The following EPB41L4A variants were observed in gnomAD, a reference collection of about 807,000 sequenced individuals.
The protein encoded by EPB41L4A is band 4.1-like protein 4A.
Under a neutral mutation model 108.6 loss-of-function variants are expected in EPB41L4A, and 100 were observed. That is an observed-to-expected ratio of 0.92 (90% CI 0.78 to 1.09). The LOEUF is 1.09. EPB41L4A is among the 50% of genes least tolerant of loss of function. The probability of loss-of-function intolerance (pLI) is 0.00; values close to 1 mark genes in which losing one functional copy is unlikely to be tolerated. For synonymous variants in EPB41L4A, 319 were observed against 289.0 expected (o/e 1.10, Z -1.05); for missense variants, 1,030 against 842.7 (o/e 1.22, Z -2.75).
intron 3 of EPB41L4A, among the ~76,000 whole-genome samples, chr5:112,279,949 C>A (rs1436576455): frequency 6.8e-6 from 1 of 147,086 alleles, no homozygotes; most frequent in Non-Finnish European, 1.5e-5. Flanking sequence ...CACCTACCAC[C>A]CCCGTTAATG....
intron 8 of EPB41L4A, 120 bp downstream of exon 8, chr5:112,259,771 T>G: frequency 1.4e-6 from 1 of 718,148 alleles, no homozygotes; most frequent in Non-Finnish European, 2.5e-6. Flanking sequence ...CCAATTTCAC[T>G]CATTTATTTA....
intron 12 of EPB41L4A, among the ~76,000 whole-genome samples, chr5:112,214,780 A>G (rs1747495424): frequency 6.6e-6 from 1 of 150,622 alleles, no homozygotes; most frequent in Admixed American, 6.6e-5. Flanking sequence ...GGCAAAAACA[A>G]AAGAAAAAAA....
At position 112,277,192 on chromosome 5, in the gene EPB41L4A, A is replaced by G. The variant is rs375974423; in HGVS notation, c.257-1788T>C. Among the ~76,000 whole-genome samples the G allele has an allele frequency of 3.3e-5, 5 of 152,212 alleles. No homozygotes were observed. In the East Asian group the frequency reaches 9.7e-4, roughly 29 times the overall value. ...CCGCAGGCAGCTGGGGTTGGTACCT[A>G]GGGGGCGGGGAGGAGCACAGATGCT... On this transcript the variant is annotated intron_variant, in intron 3 of 22. Transcript: ENST00000261486.
At position 112,169,105 on chromosome 5, in the gene EPB41L4A, C is replaced by T; in HGVS notation, c.1740G>A (p.Glu580=). The change falls in exon 21 of 23, where the codon GAG becomes GAA. Residue 580 remains glutamate, a splice_region_variant and synonymous_variant. Transcript: ENST00000261486. ...QLKEIPYTKI[E]TQGDPIRIRH... ...TGATGCGGATTGGGTCACCTTGTGT[C>T]CTGAACAAGCAACCAAGAAACATGA... The T allele has an allele frequency of 1.2e-6, 2 of 1,607,830 alleles. No individual in the cohort carries two copies. The highest frequency in any genetic ancestry group is 1.7e-6 in the Non-Finnish European group (2 of 1,174,278).
chr5:112,337,255 T>C lies in EPB41L4A; in HGVS notation c.100-29765A>G, dbSNP rs73231346. On this transcript the variant is annotated intron_variant, in intron 1 of 22. Coordinates refer to ENST00000261486, the MANE Select transcript of EPB41L4A (RefSeq NM_022140.5). ...TCTCTGAAATTCCATAATTTGATCATTACAAAGCCCAAACCCATCTGTTAT... is the reference window on the plus strand; with the variant it reads ...TCTCTGAAATTCCATAATTTGATCACTACAAAGCCCAAACCCATCTGTTAT... Among the ~76,000 whole-genome samples, 1,417 of 152,280 alleles carry C rather than the reference T, an allele frequency of 9.3e-3. 26 individuals are homozygous for C. The highest frequency in any genetic ancestry group is 0.032 in the African/African-American group (1,341 of 41,550).
chr5:112,206,200 C>T (rs1382836684), intron 13 of EPB41L4A: 2 of 152,138 alleles, frequency 1.3e-5, no homozygotes, highest in Non-Finnish European at 2.9e-5. Context: ...CCTCTCACAT[C>T]CTCAGGAGTC....
At chr5:112,147,171 G>A (rs964126675) in intron 12 of EPB41L4A, among the ~76,000 whole-genome samples, 1 of 152,120 alleles carries the variant, frequency 6.6e-6, no homozygotes, top group African/African-American at 2.4e-5. Context: ...TCTTGAATTA[G>A]TATTCATTTA....
At chr5:112,159,059 GTAA>G (rs1218519914), downstream of EPB41L4A, among the ~76,000 whole-genome samples, 1 of 152,120 alleles carries the variant, frequency 6.6e-6, no homozygotes, top group African/African-American at 2.4e-5. Flanking sequence ...TTACCTTCTT[GTAA>G]TAATTATACA....
At chr5:112,206,947 T>G (rs904430466) in intron 13 of EPB41L4A, 4 of 152,198 alleles carry the variant, frequency 2.6e-5, no homozygotes, top group African/African-American at 9.7e-5. Flanking sequence ...TATTCTAAAA[T>G]GGACCCTCCC....
chr5:112,230,008 T>G (rs976555780), intron 12 of EPB41L4A, among the ~76,000 whole-genome samples: 1 of 144,146 alleles, frequency 6.9e-6, no homozygotes, highest in Non-Finnish European at 1.6e-5. Flanking sequence ...AAAAAAAGAA[T>G]AATGGTCTCC....
Position 112,283,669 on chromosome 5 carries a change from T to C in EPB41L4A, c.205-3346A>G, listed in dbSNP as rs79123866. ...ATATCATTCATTCATTCATCACTTA[T>C]GGATATCCACTATACATGTTCTTTA... On this transcript the variant is annotated intron_variant, in intron 2 of 22. Transcript: ENST00000261486. Among the ~76,000 whole-genome samples, 346 of 152,330 alleles carry C rather than the reference T, an allele frequency of 2.3e-3. 2 individuals are homozygous for C. Among genetic ancestry groups the C allele is most frequent in the African/African-American group, 8.1e-3 (335 of 41,582 alleles).
intron 2 of EPB41L4A, among the ~76,000 whole-genome samples, chr5:112,299,391 G>A (rs563653561): frequency 4.8e-4 from 73 of 152,214 alleles, no homozygotes; most frequent in Non-Finnish European, 9.3e-4. Flanking sequence ...TGGTCTGAGA[G>A]AGTACTTGAT....
chr5:112,332,218 GT>G (rs1756616915), intron 1 of EPB41L4A, among the ~76,000 whole-genome samples: 1 of 152,136 alleles, frequency 6.6e-6, no homozygotes, highest in Non-Finnish European at 1.5e-5. Flanking sequence ...CAGTCTTTTT[GT>G]TTTTAGTTCT....
At chr5:112,286,172 G>A (rs1422162872) in intron 2 of EPB41L4A, among the ~76,000 whole-genome samples, 1 of 151,194 alleles carries the variant, frequency 6.6e-6, no homozygotes, top group Non-Finnish European at 1.5e-5. Context: ...CCCAACCAAT[G>A]TCATTTCCCT....
chr5:112,322,522 G>A (rs1049648851), intron 1 of EPB41L4A, among the ~76,000 whole-genome samples: 1 of 152,192 alleles, frequency 6.6e-6, no homozygotes, highest in Middle Eastern at 3.4e-3. Context: ...AATCTAAGTC[G>A]GTTCTACTTA....
chr5:112,189,723 T>C (rs967426570), intron 17 of EPB41L4A, among the ~76,000 whole-genome samples: 1 of 152,016 alleles, frequency 6.6e-6, no homozygotes, highest in African/African-American at 2.4e-5. Flanking sequence ...CTCCTCCACA[T>C]CTCCCACTTC....
At chr5:112,407,866 C>A (rs1488519910) in intron 1 of EPB41L4A, among the ~76,000 whole-genome samples, 1 of 152,200 alleles carries the variant, frequency 6.6e-6, no homozygotes, top group African/African-American at 2.4e-5. Flanking sequence ...AGCACCACCA[C>A]GTGCCTGGCA....
chr5:112,243,089 C>T (rs1749918329), intron 9 of EPB41L4A, among the ~76,000 whole-genome samples: 1 of 152,018 alleles, frequency 6.6e-6, no homozygotes, highest in South Asian at 2.1e-4. Flanking sequence ...TGGCAGGCGC[C>T]TGTAATCCCA....
chr5:112,385,463 C>T (rs1305795496), intron 1 of EPB41L4A, among the ~76,000 whole-genome samples: 5 of 146,540 alleles, frequency 3.4e-5, no homozygotes, highest in African/African-American at 1.3e-4. Flanking sequence ...CAGAGTCCTA[C>T]GTTGTTAAGC....
Sources: gnomAD v4.1 joint callset for allele counts (sites outside exome capture counted in the v4.1 genomes callset) on GRCh38, gnomAD v4.1.1 for gene constraint, MANE v1.5 for transcripts, NCBI Gene and HGNC (gene_info 2026-07-23, HGNC 2026-07-21) for gene names.